The following SCN4A variants were observed in gnomAD, a reference collection of about 807,000 sequenced individuals.
The protein encoded by SCN4A is sodium channel protein type 4 subunit alpha.
In SCN4A, 83 loss-of-function variants were observed where a neutral mutation model predicts 162.0. The ratio of observed to expected loss-of-function variants is 0.51; its 90% confidence interval spans 0.43 to 0.61. SCN4A has a LOEUF of 0.61. SCN4A is among the 20% of genes least tolerant of loss of function. The pLI is 0.00. For missense variants in SCN4A, 2,196 were observed against 2,462.5 expected, an observed-to-expected ratio of 0.89 and a Z score of 2.29; for synonymous variants, 944 against 985.1, an observed-to-expected ratio of 0.96 and a Z score of 0.78.
chr17:63,943,073 A>G lies in SCN4A; in HGVS notation c.4041T>C (p.Tyr1347=). The change falls in exon 23 of 24, where the codon TAT becomes TAC. Residue 1347 remains tyrosine, a synonymous_variant. Coordinates refer to ENST00000435607, the MANE Select transcript of SCN4A (RefSeq NM_000334.4). The part of the protein sequence containing the change: ...RPQNKIQGMV[Y]DLVTKQAFDI... Reference sequence around the variant, plus strand: ...CGAAGGCCTGCTTCGTCACGAGGTCATACACCATGCCCTGGATCTTGTTCT... The same window carrying G: ...CGAAGGCCTGCTTCGTCACGAGGTCGTACACCATGCCCTGGATCTTGTTCT... 1 of 1,612,912 alleles carries G rather than the reference A, an allele frequency of 6.2e-7. No homozygotes were observed. The highest frequency in any genetic ancestry group is 8.5e-7 in the Non-Finnish European group (1 of 1,178,966).
Position 63,943,643 on chromosome 17 carries a change from G to T in SCN4A, c.4017+103C>A, listed in dbSNP as rs35501848. 0.33 allele frequency: 238,367 copies of T among 729,814 alleles called. 41,636 individuals carry two copies. The highest frequency in any genetic ancestry group is 0.41 in the East Asian group (15,317 of 37,410). 45.2% of individuals were successfully genotyped at this position (729,814 alleles called of 1,614,324 possible). On this transcript the variant is annotated intron_variant, in intron 22 of 23. Transcript: ENST00000435607. ...TGGGGTGGGCCTAACCTCACCCAGG[G>T]ACACAGCCTGGTGGGTGGAAGGCAG... is the stretch of plus-strand genomic sequence containing the variant.
Position 63,971,756 on chromosome 17 carries a change from A to G in SCN4A, c.577T>C (p.Trp193Arg). ...ATGACACTGAAGTCCAGCCAGTTCC[A>G]GGGGTCCCGGAGGAATGTGAAGTCG... The part of the protein sequence containing the change: ...VDDFTFLRDP[W>R]NWLDFSVIMM... The change falls in exon 4 of 24, where the codon TGG (tryptophan) becomes CGG (arginine). Residue 193 changes from tryptophan (W) to arginine (R), a missense_variant. Trp to Arg is a moderately radical substitution (Grantham distance 101). Coordinates refer to ENST00000435607, the MANE Select transcript of SCN4A (RefSeq NM_000334.4). 1.2e-6 allele frequency: 2 copies of G among 1,609,670 alleles called. No individual in the cohort carries two copies. Among genetic ancestry groups the G allele is most frequent in the African/African-American group, 1.3e-5 (1 of 74,956 alleles).
intron 16 of SCN4A, 96 bp from the exon 17 acceptor site, chr17:63,948,159 T>TCCCAGG: frequency 9.8e-7 from 1 of 1,023,328 alleles, no homozygotes; most frequent in Non-Finnish European, 1.4e-6. Flanking sequence ...TTCCCGGGGG[T>TCCCAGG]CTGCCGTGGG....
At chr17:63,956,139 C>T (rs1009641503) in intron 13 of SCN4A, among the ~76,000 whole-genome samples, 10 of 152,248 alleles carry the variant, frequency 6.6e-5, no homozygotes, top group African/African-American at 2.4e-4. Flanking sequence ...CCTCCTGGCC[C>T]CTTCCTCTGC....
chr17:63,942,987 T>G lies in SCN4A; in HGVS notation c.4127A>C (p.Asn1376Thr). 1 of 1,614,006 alleles carries G rather than the reference T, an allele frequency of 6.2e-7. No homozygotes were observed. The highest frequency in any genetic ancestry group is 8.5e-7 in the Non-Finnish European group (1 of 1,179,864). ...GATGTCCACCTTGAGCTGGCTCTGG[T>G]TGTCTGTCTCCACCATCATGGTGAC... ...NMVTMMVETD[N>T]QSQLKVDILY... Residue 1376 changes from asparagine to threonine, a missense_variant, in exon 23 of 24, where the codon AAC becomes ACC. Asn to Thr is a moderately conservative substitution (Grantham distance 65). Transcript: ENST00000435607.
At position 63,941,691 on chromosome 17, in the gene SCN4A, C is replaced by G; in HGVS notation, c.4591G>C (p.Glu1531Gln). 1 of 1,614,092 alleles carries G rather than the reference C, an allele frequency of 6.2e-7. No homozygotes were observed. Among genetic ancestry groups the G allele is most frequent in the Non-Finnish European group, 8.5e-7 (1 of 1,180,026 alleles). ...TCCCAGCCGGCCGACGTGGTGATCT[C>G]GAACAGGCAGATGATGCTGTTGCCG... ...TFGNSIICLF[E>Q]ITTSAGWDGL... The change falls in exon 24 of 24, where the codon GAG becomes CAG. Residue 1531 changes from glutamate (E) to glutamine (Q), a missense_variant. Transcript: ENST00000435607. The surrounding 1 kb of genome is among the most constrained non-coding windows in gnomAD (Gnocchi z 6.2).
Position 63,968,011 on chromosome 17 carries a change from C to T in SCN4A, c.1036+12G>A. On this transcript the variant is annotated intron_variant, in intron 6 of 23. Coordinates refer to ENST00000435607, the MANE Select transcript of SCN4A (RefSeq NM_000334.4). ...CAGGATCCCCCTTGCCCGTCACCCTCCCCATTCTTACCTTCATCACTGATG... is the reference window on the plus strand; with the variant it reads ...CAGGATCCCCCTTGCCCGTCACCCTTCCCATTCTTACCTTCATCACTGATG... The T allele has an allele frequency of 6.2e-7, 1 of 1,610,532 alleles. No individual in the cohort carries two copies. Among genetic ancestry groups the T allele is most frequent in the Non-Finnish European group, 8.5e-7 (1 of 1,177,034 alleles).
At chr17:63,953,058 A>T (rs552319194) in intron 13 of SCN4A, among the ~76,000 whole-genome samples, 5 of 152,258 alleles carry the variant, frequency 3.3e-5, no homozygotes, top group African/African-American at 1.2e-4. Flanking sequence ...CATTGTTGTG[A>T]GGATTAAAGG....
rs763401274 is a variant in SCN4A, at chr17:63,949,524, G to A, written c.2858C>T (p.Pro953Leu). 7.5e-6 allele frequency: 12 copies of A among 1,606,006 alleles called. No homozygotes were observed. Among genetic ancestry groups the A allele is most frequent in the South Asian group, 2.2e-5 (2 of 90,544 alleles). The change falls in exon 15 of 24, where the codon CCG becomes CTG. Residue 953 changes from proline (P) to leucine (L), a missense_variant. Physicochemically the swap from Pro to Leu is moderately conservative, Grantham distance 98. Coordinates refer to ENST00000435607, the MANE Select transcript of SCN4A (RefSeq NM_000334.4). ...TFSEPEDSKKPPQPLYDGNSS... is the reference protein window; with the variant it reads ...TFSEPEDSKKLPQPLYDGNSS... ...GTTCCCATCATAGAGAGGCTGCGGC[G>A]GCTTCTGCGGAGGCCACAGGGTCAC...
At chr17:63,970,345 G>C (rs1909575928) in intron 5 of SCN4A, among the ~76,000 whole-genome samples, 1 of 152,150 alleles carries the variant, frequency 6.6e-6, no homozygotes, top group Non-Finnish European at 1.5e-5. Context: ...GTGGTACTAT[G>C]AGTCTCCATA....
intron 16 of SCN4A, among the ~76,000 whole-genome samples, chr17:63,948,312 A>G (rs2144783062): frequency 6.6e-6 from 1 of 152,292 alleles, no homozygotes; most frequent in East Asian, 1.9e-4. Flanking sequence ...TCTGCTGGGC[A>G]GGTCCACAGT....
At chr17:63,946,309 CAG>C (rs1908714567) in intron 18 of SCN4A, among the ~76,000 whole-genome samples, 1 of 152,080 alleles carries the variant, frequency 6.6e-6, no homozygotes, top group South Asian at 2.1e-4. Context: ...TCTGGGGGGT[CAG>C]AGGGCCCAGC....
At position 63,951,587 on chromosome 17, in the gene SCN4A, A is replaced by T. The variant is rs370879135; in HGVS notation, c.2690T>A (p.Met897Lys). 1.3e-5 allele frequency: 21 copies of T among 1,613,900 alleles called. No individual in the cohort carries two copies. Among genetic ancestry groups the T allele is most frequent in the Non-Finnish European group, 1.7e-5 (20 of 1,179,840 alleles). The change falls in exon 14 of 24, where the codon ATG becomes AAG. Residue 897 changes from methionine to lysine, a missense_variant. Coordinates refer to ENST00000435607, the MANE Select transcript of SCN4A (RefSeq NM_000334.4). The surrounding 1 kb of genome is among the most constrained non-coding windows in gnomAD (Gnocchi z 4.5). ...GGATGGGGGGCCGTCAGCCAGGCCC[A>T]TGTGGTTCAGGATGTGATTGTCCTT... ...LKKDNHILNH[M>K]GLADGPPSSL...
At chr17:63,966,703 A>C (rs751786234) in intron 6 of SCN4A, among the ~76,000 whole-genome samples, 159 bp from the exon 7 acceptor site, 1 of 152,248 alleles carries the variant, frequency 6.6e-6, no homozygotes, top group Non-Finnish European at 1.5e-5. Flanking sequence ...GACAGCTCCA[A>C]GTTCCAAGGT....
Position 63,944,098 on chromosome 17 carries a change from G to A in SCN4A, c.3913-248C>T, listed in dbSNP as rs1048672857. Among the ~76,000 whole-genome samples, 1 of 152,052 alleles carries A rather than the reference G, an allele frequency of 6.6e-6. No individual in the cohort carries two copies. Among genetic ancestry groups the A allele is most frequent in the African/African-American group, 2.4e-5 (1 of 41,378 alleles). On this transcript the variant is annotated intron_variant, in intron 21 of 23. Transcript: ENST00000435607. The surrounding 1 kb of genome is among the most constrained non-coding windows in gnomAD (Gnocchi z 4.3). ...TCTGGCTACTTTTCATCAACATCTC[G>A]CTGAGCCCTAGAGTAACCCACAAGG... is the stretch of plus-strand genomic sequence containing the variant.
chr17:63,960,174 C>T (rs114376542), intron 11 of SCN4A, among the ~76,000 whole-genome samples: 2,450 of 152,350 alleles, frequency 0.016, 61 homozygotes, highest in African/African-American at 0.056. Flanking sequence ...CCTGCCTGGG[C>T]ACATGCTGAG....
In SCN4A at chr17:63,957,350, C is replaced by T. The variant is rs113462659; in HGVS notation, c.2188G>A (p.Val730Met). The T allele has an allele frequency of 8.7e-4, 1,410 of 1,614,012 alleles. 4 individuals are homozygous for T. Among genetic ancestry groups the T allele is most frequent in the Non-Finnish European group, 1.1e-3 (1,271 of 1,179,972 alleles). ...QLFGKSYKEC[V>M]CKIALDCNLP... ...TTGCAGTCCAAGGCAATCTTGCACACGCACTCCTTGTAGCTCTTGCCAAAC... is the reference window on the plus strand; with the variant it reads ...TTGCAGTCCAAGGCAATCTTGCACATGCACTCCTTGTAGCTCTTGCCAAAC... Residue 730 changes from valine to methionine, a missense_variant, in exon 13 of 24, where the codon GTG becomes ATG. Transcript: ENST00000435607.
At chr17:63,971,949 A>G in intron 3 of SCN4A, 99 bp from the exon 4 acceptor site, 1 of 1,368,088 alleles carries the variant, frequency 7.3e-7, no homozygotes, top group Non-Finnish European at 1.0e-6. Context: ...GAAATGAAAT[A>G]TGCCACTCAG....
At chr17:63,942,149 C>T (rs548798357) in intron 23 of SCN4A, among the ~76,000 whole-genome samples, 156 bp from the exon 24 acceptor site, 6 of 152,120 alleles carry the variant, frequency 3.9e-5, no homozygotes, top group South Asian at 2.1e-4. Context: ...GGCTCTCCCA[C>T]GGGTCTTGGG....
Sources: gnomAD v4.1 joint callset for allele counts (sites outside exome capture counted in the v4.1 genomes callset) on GRCh38, gnomAD v4.1.1 for gene constraint, Gnocchi (gnomAD v3.1) non-coding constraint, MANE v1.5 for transcripts, NCBI Gene and HGNC (gene_info 2026-07-23, HGNC 2026-07-21) for gene names.